KCTD9: variants seen among roughly 807,000 people sequenced by gnomAD.
KCTD9 encodes the protein potassium channel tetramerization domain containing 9, also known as BTB/POZ domain-containing protein KCTD9.
A neutral mutation model predicts 53.3 loss-of-function variants in KCTD9; 17 were observed. The ratio of observed to expected loss-of-function variants is 0.32; its 90% CI spans 0.22 to 0.48. The LOEUF (loss-of-function observed/expected upper bound fraction) is 0.48. Ranked by LOEUF, KCTD9 falls within the 20% of genes least tolerant of loss-of-function variation. KCTD9 has a pLI of 0.99. For missense variants in KCTD9, 179 were observed against 465.5 expected, an observed-to-expected ratio of 0.38 and a Z score of 5.66; for synonymous variants, 128 against 162.7, an observed-to-expected ratio of 0.79 and a Z score of 1.62.
At chr8:25,435,287 C>T in intron 9 of KCTD9, 76 bp downstream of exon 9, 3 of 952,422 alleles carry the variant, frequency 3.1e-6, no homozygotes, top group African/African-American at 3.4e-5. Flanking sequence ...GTTATAATTC[C>T]TGTCTCAAAG....
At chr8:25,446,608 G>C (rs1802218534) in intron 1 of KCTD9, among the ~76,000 whole-genome samples, 2 of 152,188 alleles carry the variant, frequency 1.3e-5, no homozygotes, top group Non-Finnish European at 2.9e-5. Flanking sequence ...GCTTTAACTA[G>C]AAATGAAGAA....
rs1469929103 is a variant in KCTD9 at position 25,445,979 on chromosome 8, A to G, written c.170+150T>C. On this transcript the variant is annotated intron_variant, in intron 2 of 11. Transcript: ENST00000221200. Reference sequence around the variant, plus strand: ...AGCTGATCAATTCACCTTAAGCCCAAATGATTTAAATTCCAAAGAGCAAAT... The same window carrying G: ...AGCTGATCAATTCACCTTAAGCCCAGATGATTTAAATTCCAAAGAGCAAAT... 3.3e-6 allele frequency: 3 copies of G among 922,952 alleles called. No individual in the cohort carries two copies. The African/African-American group carries it at 5.0e-5, about 15-fold the overall frequency. 57.2% of individuals were successfully genotyped at this position (922,952 alleles called of 1,614,324 possible). A position where few individuals can be genotyped will look rare whatever the true frequency, so the allele number is the denominator to read the frequency against.
intron 1 of KCTD9, among the ~76,000 whole-genome samples, chr8:25,455,244 T>C (rs922066178): frequency 6.6e-6 from 1 of 150,716 alleles, no homozygotes; most frequent in South Asian, 2.1e-4. Flanking sequence ...TAATAATAAA[T>C]AATAAATAAA....
At chr8:25,441,964 A>G (rs1586430087) in intron 3 of KCTD9, among the ~76,000 whole-genome samples, 2 of 152,180 alleles carry the variant, frequency 1.3e-5, no homozygotes, top group Admixed American at 6.5e-5. Context: ...AGATCATACC[A>G]CTGCACTACA....
In KCTD9 at chr8:25,458,346, G is replaced by A. The variant is rs1018492324; in HGVS notation, c.-100C>T. The A allele has an allele frequency of 1.5e-6, 2 of 1,313,996 alleles. No homozygotes were observed. Among genetic ancestry groups the A allele is most frequent in the Non-Finnish European group, 2.1e-6 (2 of 939,402 alleles). 81.4% of individuals were successfully genotyped at this position (1,313,996 alleles called of 1,614,324 possible). A position where few individuals can be genotyped will look rare whatever the true frequency, so the allele number is the denominator to read the frequency against. The stretch of plus-strand genomic sequence containing the variant: ...GCCCTTCCCCTCCCTCCACCCACTC[G>A]GATTCGCCTCCCTTCGCCACCTTCC... On this transcript the variant is annotated 5_prime_UTR_variant, in exon 1 of 12. Coordinates refer to ENST00000221200, the MANE Select transcript of KCTD9 (RefSeq NM_017634.4).
chr8:25,445,859 T>C (rs1802205704), intron 2 of KCTD9, among the ~76,000 whole-genome samples: 1 of 151,674 alleles, frequency 6.6e-6, no homozygotes. Context: ...TCTTACTAGA[T>C]CCTTCTCTAG....
At chr8:25,453,101 G>A (rs1478103169) in intron 1 of KCTD9, among the ~76,000 whole-genome samples, 2 of 152,170 alleles carry the variant, frequency 1.3e-5, no homozygotes, top group Admixed American at 6.5e-5. Context: ...AGTGGCTCAC[G>A]CCTGTAATCC....
At chr8:25,447,192 G>T (rs1370420760) in intron 1 of KCTD9, among the ~76,000 whole-genome samples, 1 of 152,068 alleles carries the variant, frequency 6.6e-6, no homozygotes, top group East Asian at 1.9e-4. Flanking sequence ...CCTGGAGTTT[G>T]AGACCAGCCA....
chr8:25,435,433 C>G lies in KCTD9; in HGVS notation c.743G>C (p.Cys248Ser), dbSNP rs147743765. Residue 248 changes from cysteine to serine, a missense_variant, in exon 9 of 12, where the codon TGT becomes TCT. Physicochemically the swap from Cys to Ser is moderately radical, Grantham distance 112. Transcript: ENST00000221200. Reference sequence around the variant, plus strand: ...GCAAAGATTTGCATGTGCAAGATTACAGCGGCTTAAATTGGCCATTTTGAA... The same window carrying G: ...GCAAAGATTTGCATGTGCAAGATTAGAGCGGCTTAAATTGGCCATTTTGAA... ...INFKMANLSR[C>S]NLAHANLCCA... The G allele has an allele frequency of 6.2e-7, 1 of 1,612,500 alleles. No homozygotes were observed. Among genetic ancestry groups the G allele is most frequent in the Non-Finnish European group, 8.5e-7 (1 of 1,179,260 alleles).
chr8:25,455,414 G>A (rs1357841310), intron 1 of KCTD9, among the ~76,000 whole-genome samples: 1 of 151,948 alleles, frequency 6.6e-6, no homozygotes, highest in East Asian at 1.9e-4. Flanking sequence ...ATACACTTAG[G>A]GAGAGGCTGA....
At position 25,458,163 on chromosome 8, in the gene KCTD9, C is replaced by A. The variant is rs774453649; in HGVS notation, c.48+36G>T. The A allele has an allele frequency of 3.6e-5, 54 of 1,499,756 alleles. No homozygotes were observed. In the South Asian group the frequency reaches 4.4e-4, roughly 12 times the overall value. The allele number at this position is 1,499,756 out of a possible 1,614,324, so 92.9% of individuals were successfully genotyped here. On this transcript the variant is annotated intron_variant, in intron 1 of 11. Coordinates refer to ENST00000221200, the MANE Select transcript of KCTD9 (RefSeq NM_017634.4). ...TCCGCACCGTCCGCCCTCGCCCCGACCCCCGGCCCGCCGCGCCCCCTCACG... is the reference window on the plus strand; with the variant it reads ...TCCGCACCGTCCGCCCTCGCCCCGAACCCCGGCCCGCCGCGCCCCCTCACG...
rs528255794 is a variant in KCTD9 at position 25,442,555 on chromosome 8, T to C, written c.214+1737A>G. The stretch of plus-strand genomic sequence containing the variant: ...GGTGGATGGCAATGGCATCTTGCCA[T>C]TGGAAGATGTCACCGAATATTGTTC... On this transcript the variant is annotated intron_variant, in intron 3 of 11. Transcript: ENST00000221200. Among the ~76,000 whole-genome samples the C allele has an allele frequency of 2.0e-5, 3 of 152,294 alleles. No individual in the cohort carries two copies. In the South Asian group the frequency reaches 6.2e-4, roughly 32 times the overall value.
At chr8:25,435,053 C>T (rs983083944) in intron 9 of KCTD9, among the ~76,000 whole-genome samples, 2 of 152,128 alleles carry the variant, frequency 1.3e-5, no homozygotes, top group African/African-American at 4.8e-5. Flanking sequence ...TTTACCTTTA[C>T]AATTAGCTGA....
chr8:25,452,410 T>G (rs1238117872), intron 1 of KCTD9, among the ~76,000 whole-genome samples: 3 of 152,210 alleles, frequency 2.0e-5, no homozygotes, highest in Non-Finnish European at 4.4e-5. Flanking sequence ...ATTTACATAT[T>G]CTAACACCCA....
At chr8:25,450,041 T>C (rs1170602711) in intron 1 of KCTD9, among the ~76,000 whole-genome samples, 5 of 152,186 alleles carry the variant, frequency 3.3e-5, no homozygotes, top group African/African-American at 1.2e-4. Flanking sequence ...GCAAGGACTA[T>C]TTTCAAGGCA....
At chr8:25,438,493 C>T (rs750479503) in intron 6 of KCTD9, among the ~76,000 whole-genome samples, 1 of 152,212 alleles carries the variant, frequency 6.6e-6, no homozygotes. Context: ...ATTTTAGATA[C>T]CCAGGTTTTC....
At chr8:25,444,406 G>A (rs546975948) in intron 2 of KCTD9, 71 bp from the exon 3 acceptor site, 2 of 1,386,458 alleles carry the variant, frequency 1.4e-6, no homozygotes, top group South Asian at 1.3e-5. Flanking sequence ...TTGCTTATAG[G>A]AACTATTCCT....
chr8:25,442,374 G>A (rs796160398), intron 3 of KCTD9, among the ~76,000 whole-genome samples: 22 of 152,204 alleles, frequency 1.4e-4, no homozygotes, highest in African/African-American at 5.3e-4. Context: ...ATAAAATGCA[G>A]TAACATATTT....
At chr8:25,433,302 GA>G (rs1801962237) in intron 10 of KCTD9, 27 bp downstream of exon 10, 1 of 1,257,856 alleles carries the variant, frequency 8.0e-7, no homozygotes, top group Non-Finnish European at 1.2e-6. Context: ...TTCCTTCGTA[GA>G]ATAGGTATTT....
Sources: gnomAD v4.1 joint callset for allele counts (sites outside exome capture counted in the v4.1 genomes callset) on GRCh38, gnomAD v4.1.1 for gene constraint, MANE v1.5 for transcripts, NCBI Gene and HGNC (gene_info 2026-07-23, HGNC 2026-07-21) for gene names.